Variants in SORCS3 observed in about 807,000 individuals in gnomAD.
SORCS3 encodes the protein sortilin related VPS10 domain containing receptor 3, also known as VPS10 domain-containing receptor SorCS3.
A neutral mutation model predicts 146.3 loss-of-function variants in SORCS3; 57 were observed. The ratio of observed to expected loss-of-function variants is 0.39; its 90% CI spans 0.31 to 0.49. The LOEUF (loss-of-function observed/expected upper bound fraction) is 0.49. SORCS3 is among the 20% of genes least tolerant of loss of function. The pLI is 0.92. For missense variants in SORCS3, 1,341 were observed against 1,575.5 expected, an observed-to-expected ratio of 0.85 and a Z score of 2.52; for synonymous variants, 653 against 618.5, an observed-to-expected ratio of 1.06 and a Z score of -0.83.
chr10:105,115,109 G>C (rs1390828682), intron 7 of SORCS3, among the ~76,000 whole-genome samples: 1 of 152,070 alleles, frequency 6.6e-6, no homozygotes, highest in Non-Finnish European at 1.5e-5. Flanking sequence ...AATAGCTAGT[G>C]GTCTGATGTG....
chr10:104,760,920 T>C (rs2017114587), intron 1 of SORCS3, among the ~76,000 whole-genome samples: 1 of 151,912 alleles, frequency 6.6e-6, no homozygotes. Context: ...TTTTTTTTTT[T>C]CTCCATTTGT....
intron 1 of SORCS3, among the ~76,000 whole-genome samples, chr10:104,692,869 G>T (rs1163880177): frequency 6.6e-6 from 1 of 152,208 alleles, no homozygotes; most frequent in Non-Finnish European, 1.5e-5. Flanking sequence ...TCAAACTTCA[G>T]TTGAATCAGA....
intron 20 of SORCS3, among the ~76,000 whole-genome samples, chr10:105,231,404 A>G (rs2056764666): frequency 6.6e-6 from 1 of 152,264 alleles, no homozygotes; most frequent in African/African-American, 2.4e-5. Flanking sequence ...TAGTCCCAGG[A>G]GATTTTTGCT....
chr10:104,803,455 C>G (rs533340909), intron 1 of SORCS3, among the ~76,000 whole-genome samples: 2 of 152,290 alleles, frequency 1.3e-5, no homozygotes, highest in Admixed American at 1.3e-4. Context: ...GAGCACTGAG[C>G]ATTGGGATTC....
intron 1 of SORCS3, among the ~76,000 whole-genome samples, chr10:104,684,529 C>T (rs935470869): frequency 3.9e-5 from 6 of 152,188 alleles, no homozygotes; most frequent in African/African-American, 1.4e-4. Context: ...ACTCCTTGCC[C>T]TTGAACATTG....
chr10:104,713,569 T>C (rs927611797), intron 1 of SORCS3, among the ~76,000 whole-genome samples: 6 of 152,210 alleles, frequency 3.9e-5, no homozygotes, highest in Admixed American at 2.6e-4. Context: ...GTTTTTCTTC[T>C]ATAGTCTGTT....
intron 9 of SORCS3, among the ~76,000 whole-genome samples, chr10:105,153,967 G>A (rs1758821149): frequency 6.6e-6 from 1 of 151,188 alleles, no homozygotes; most frequent in African/African-American, 2.4e-5. Context: ...CCACTCAGGA[G>A]GCTGAGGCAG....
chr10:104,721,065 G>A (rs1418544808), intron 1 of SORCS3, among the ~76,000 whole-genome samples: 2 of 152,158 alleles, frequency 1.3e-5, no homozygotes, highest in Non-Finnish European at 2.9e-5. Context: ...CCTATGTCCT[G>A]AATGGTATTA....
intron 2 of SORCS3, among the ~76,000 whole-genome samples, chr10:104,900,229 CT>C (rs1427883611): frequency 4.6e-5 from 7 of 152,200 alleles, no homozygotes; most frequent in African/African-American, 1.7e-4. Context: ...CTGCTGGTTT[CT>C]GTCAGTGATA....
At chr10:105,051,454 C>A (rs1268724107) in intron 5 of SORCS3, among the ~76,000 whole-genome samples, 1 of 152,080 alleles carries the variant, frequency 6.6e-6, no homozygotes, top group Non-Finnish European at 1.5e-5. Context: ...TAATTTGCTT[C>A]AAAAGTGGGC....
chr10:105,237,251 A>G (rs1318436587), intron 20 of SORCS3, among the ~76,000 whole-genome samples: 2 of 152,188 alleles, frequency 1.3e-5, no homozygotes, highest in Non-Finnish European at 2.9e-5. Flanking sequence ...TCTTTGCTGT[A>G]TGCCTTTAGT....
At chr10:104,848,411 C>T (rs1163396217) in intron 2 of SORCS3, among the ~76,000 whole-genome samples, 4 of 152,070 alleles carry the variant, frequency 2.6e-5, no homozygotes, top group Non-Finnish European at 2.9e-5. Flanking sequence ...GCTAAGACTT[C>T]CCAGAAGTTA....
chr10:104,690,654 CT>C (rs1254723388), intron 1 of SORCS3, among the ~76,000 whole-genome samples: 2 of 152,132 alleles, frequency 1.3e-5, no homozygotes, highest in Non-Finnish European at 2.9e-5. Context: ...CAGAAGCCCT[CT>C]TTTTCACTTC....
intron 1 of SORCS3, among the ~76,000 whole-genome samples, chr10:104,820,345 G>C (rs1032316): frequency 0.14 from 21,818 of 152,118 alleles, 1,664 homozygotes; most frequent in South Asian, 0.26. Flanking sequence ...GGTACTACTT[G>C]CATTATTGTC....
chr10:104,751,506 G>A (rs1421437569), intron 1 of SORCS3, among the ~76,000 whole-genome samples: 3 of 152,142 alleles, frequency 2.0e-5, no homozygotes, highest in Non-Finnish European at 4.4e-5. Flanking sequence ...TTGATTGGAG[G>A]TAAGGGTTAA....
intron 20 of SORCS3, among the ~76,000 whole-genome samples, chr10:105,227,046 A>C (rs564387559): frequency 6.6e-6 from 1 of 151,596 alleles, no homozygotes. Context: ...TTTAGTCTCT[A>C]TTTTGTTTAG....
intron 4 of SORCS3, among the ~76,000 whole-genome samples, chr10:105,008,641 T>C (rs2055112410): frequency 6.6e-6 from 1 of 152,146 alleles, no homozygotes; most frequent in South Asian, 2.1e-4. Flanking sequence ...GCTGAGGTTT[T>C]TTGTTTTTGT....
chr10:104,946,154 A>G (rs930015977), intron 3 of SORCS3, among the ~76,000 whole-genome samples: 2 of 151,972 alleles, frequency 1.3e-5, no homozygotes, highest in African/African-American at 2.4e-5. Flanking sequence ...TCGAGTATGC[A>G]CAATAAATGA....
chr10:105,138,455 T>C (rs2056073399), intron 7 of SORCS3, among the ~76,000 whole-genome samples: 1 of 152,198 alleles, frequency 6.6e-6, no homozygotes, highest in East Asian at 1.9e-4. Flanking sequence ...TGCTTGGACC[T>C]TAGTGAGAAT....
Sources: gnomAD v4.1 joint callset for allele counts (sites outside exome capture counted in the v4.1 genomes callset) on GRCh38, gnomAD v4.1.1 for gene constraint, MANE v1.5 for transcripts, NCBI Gene and HGNC (gene_info 2026-07-23, HGNC 2026-07-21) for gene names.